The following SPATA6L variants were observed in gnomAD, a reference collection of about 807,000 sequenced individuals.
SPATA6L encodes the protein spermatogenesis associated 6 like, also known as spermatogenesis associated 6-like protein.
SPATA6L carries 68 observed loss-of-function variants against 49.2 expected under a neutral mutation model. The ratio of observed to expected loss-of-function variants is 1.38; its 90% CI spans 1.14 to 1.69. The LOEUF (loss-of-function observed/expected upper bound fraction) is 1.69. SPATA6L is among the 40% of genes most tolerant of loss of function. The pLI is 0.00. For synonymous variants in SPATA6L, 198 were observed against 165.7 expected (o/e 1.19, Z -1.50); for missense variants, 668 against 464.3 (o/e 1.44, Z -4.03).
At chr9:4,617,690 T>C (rs1564170813) in intron 9 of SPATA6L, among the ~76,000 whole-genome samples, 1 of 152,192 alleles carries the variant, frequency 6.6e-6, no homozygotes, top group Non-Finnish European at 1.5e-5. Context: ...CAAATAAAAA[T>C]GGGTAGATAA....
chr9:4,648,388 G>T (rs1359503265), intron 3 of SPATA6L, among the ~76,000 whole-genome samples: 1 of 152,194 alleles, frequency 6.6e-6, no homozygotes, highest in East Asian at 1.9e-4. Flanking sequence ...AGGTTATTGG[G>T]GAATAGATGG....
Position 4,666,380 on chromosome 9 carries a change from G to C in SPATA6L, c.-130C>G. 1 of 971,084 alleles carries C rather than the reference G, an allele frequency of 1.0e-6. No homozygotes were observed. The highest frequency in any genetic ancestry group is 1.6e-6 in the Non-Finnish European group (1 of 618,530). The allele number at this position is 971,084 out of a possible 1,614,324, so 60.2% of individuals were successfully genotyped here. On this transcript the variant is annotated 5_prime_UTR_variant, in exon 1 of 12. Transcript: ENST00000682582. ...GAAGCTTCCCCAGTCCCACGCCCTT[G>C]TTCCCCTACCGTCCCCCCCAGCCCA... is the stretch of plus-strand genomic sequence containing the variant.
downstream of SPATA6L, chr9:4,596,581 G>A (rs1171149959): frequency 6.6e-6 from 1 of 152,156 alleles, no homozygotes; most frequent in African/African-American, 2.4e-5. Flanking sequence ...GGGAGGAGGG[G>A]ACTTCCTAAA....
chr9:4,605,695 G>C (rs1564119717), intron 9 of SPATA6L, among the ~76,000 whole-genome samples: 1 of 152,126 alleles, frequency 6.6e-6, no homozygotes, highest in Non-Finnish European at 1.5e-5. Flanking sequence ...TTTCTTCTTT[G>C]TACTTTCCTG....
intron 3 of SPATA6L, among the ~76,000 whole-genome samples, chr9:4,642,096 G>T (rs1834160350): frequency 6.6e-6 from 1 of 152,170 alleles, no homozygotes; most frequent in African/African-American, 2.4e-5. Flanking sequence ...GTAATTATCT[G>T]TCAGGGATTG....
intron 2 of SPATA6L, among the ~76,000 whole-genome samples, chr9:4,656,300 A>G (rs944429618): frequency 1.1e-4 from 17 of 152,232 alleles, no homozygotes; most frequent in South Asian, 4.1e-4. Context: ...TTAGCTGGGC[A>G]TGGTGGCTCA....
Position 4,666,399 on chromosome 9 carries a change from C to CA in SPATA6L, c.-150dup. 2.6e-6 allele frequency: 2 copies of CA among 779,178 alleles called. No homozygotes were observed. The highest frequency in any genetic ancestry group is 4.4e-6 in the Non-Finnish European group (2 of 457,268). The allele number at this position is 779,178 out of a possible 1,614,324, so 48.3% of individuals were successfully genotyped here. A position where few individuals can be genotyped will look rare whatever the true frequency, so the allele number is the denominator to read the frequency against. ...GCCCTTGTTCCCCTACCGTCCCCCC[C>CA]AGCCCAGGTCCCTCCCACCGGGACG... On this transcript the variant is annotated 5_prime_UTR_variant, in exon 1 of 12. Coordinates refer to ENST00000682582, the MANE Select transcript of SPATA6L (RefSeq NM_001353486.2).
chr9:4,614,006 T>C (rs575353572), intron 9 of SPATA6L, among the ~76,000 whole-genome samples: 19 of 151,980 alleles, frequency 1.3e-4, no homozygotes, highest in Non-Finnish European at 2.5e-4. Flanking sequence ...GAGTAACCAA[T>C]ACCAAAGCGA....
Position 4,618,097 on chromosome 9 carries a change from G to T in SPATA6L, c.821C>A (p.Pro274Gln), listed in dbSNP as rs758978782. Residue 274 changes from proline (P) to glutamine (Q), a missense_variant, in exon 9 of 12, where the codon CCA (proline) becomes CAA (glutamine). Physicochemically the swap from Pro to Gln is moderately conservative, Grantham distance 76. Coordinates refer to ENST00000682582, the MANE Select transcript of SPATA6L (RefSeq NM_001353486.2). ...LAANVKVIKE[P>Q]DERIVLRSDS... ...ACTCCTTAAAACAATCCGTTCATCT[G>T]GCTCTTTGATAACCTGAGTGACAAT... The T allele has an allele frequency of 6.2e-7, 1 of 1,607,930 alleles. No individual in the cohort carries two copies. The highest frequency in any genetic ancestry group is 8.5e-7 in the Non-Finnish European group (1 of 1,176,502).
chr9:4,616,029 C>A (rs1273200564), intron 9 of SPATA6L, among the ~76,000 whole-genome samples: 3 of 152,130 alleles, frequency 2.0e-5, no homozygotes, highest in Non-Finnish European at 2.9e-5. Flanking sequence ...CTGTACCCAG[C>A]ACTTTGGGAG....
At chr9:4,650,824 TTGTGTG>T (rs59184426) in intron 3 of SPATA6L, among the ~76,000 whole-genome samples, 4,721 of 137,000 alleles carry the variant, frequency 0.034, 172 homozygotes, top group African/African-American at 0.087. Flanking sequence ...CAAACCCAGC[TTGTGTG>T]TGTGTGTGTG....
Position 4,605,969 on chromosome 9 carries a change from C to A in SPATA6L, c.996-529G>T, listed in dbSNP as rs574132754. On this transcript the variant is annotated intron_variant, in intron 9 of 11. Coordinates refer to ENST00000682582, the MANE Select transcript of SPATA6L (RefSeq NM_001353486.2). ...GTGTGTGCGCGCACCGTGCGCGAGC[C>A]GAAGCAGGGCGAGGCATTGCCTCAC... Among the ~76,000 whole-genome samples, 1,481 of 152,202 alleles carry A rather than the reference C, an allele frequency of 9.7e-3. 22 individuals carry two copies. The highest frequency in any genetic ancestry group is 0.031 in the African/African-American group (1,292 of 41,532).
chr9:4,661,531 G>A (rs1839746885), intron 2 of SPATA6L, among the ~76,000 whole-genome samples: 1 of 150,790 alleles, frequency 6.6e-6, no homozygotes. Flanking sequence ...TATTTTTCTT[G>A]GTCTAACACA....
Position 4,662,652 on chromosome 9 carries a change from G to T in SPATA6L, c.40-616C>A. ...TCCGCTGCCCGAGGAGGACCGCATG[G>T]ACTTGAACCCGTCCTTCCTGGGCAT... On this transcript the variant is annotated intron_variant, in intron 1 of 11. Transcript: ENST00000682582. This position sits in a 1 kb window ranked among gnomAD's most constrained non-coding sequence, Gnocchi z 4.9. 6.3e-7 allele frequency: 1 copy of T among 1,599,774 alleles called. No homozygotes were observed. Among genetic ancestry groups the T allele is most frequent in the Non-Finnish European group, 8.5e-7 (1 of 1,179,816 alleles).
chr9:4,656,861 T>C (rs1447497643), intron 2 of SPATA6L, among the ~76,000 whole-genome samples: 2 of 152,202 alleles, frequency 1.3e-5, no homozygotes, highest in Admixed American at 6.5e-5. Flanking sequence ...TCCAAGCAAT[T>C]GGTTGTGCTA....
chr9:4,625,644 T>A, intron 5 of SPATA6L, 78 bp from the exon 6 acceptor site: 1 of 1,035,682 alleles, frequency 9.7e-7, no homozygotes. Flanking sequence ...TAACTGTATT[T>A]AATTGAATTT....
intron 9 of SPATA6L, among the ~76,000 whole-genome samples, chr9:4,607,673 C>T (rs1306319419): frequency 6.6e-6 from 1 of 152,074 alleles, no homozygotes; most frequent in Non-Finnish European, 1.5e-5. Context: ...ACAACCGGTA[C>T]CAGCCGCTGC....
At chr9:4,603,357 G>T (rs1303080368) in intron 11 of SPATA6L, among the ~76,000 whole-genome samples, 3 of 152,198 alleles carry the variant, frequency 2.0e-5, no homozygotes, top group Non-Finnish European at 4.4e-5. Context: ...TTGAACCTGG[G>T]GGGTGGAGGT....
intron 7 of SPATA6L, among the ~76,000 whole-genome samples, chr9:4,619,377 C>T (rs575713600): frequency 2.6e-5 from 4 of 151,996 alleles, no homozygotes; most frequent in South Asian, 2.1e-4. Context: ...AGGCTGGTCT[C>T]GAACTCCTGA....
Sources: allele counts gnomAD v4.1 joint callset (sites outside exome capture counted in the v4.1 genomes callset), GRCh38; gene constraint gnomAD v4.1.1; non-coding constraint Gnocchi (gnomAD v3.1); transcripts MANE v1.5; gene names NCBI Gene and HGNC (gene_info 2026-07-23, HGNC 2026-07-21).